SEMA4B: variants seen among roughly 807,000 people sequenced by gnomAD.
SEMA4B encodes the protein semaphorin-4B.
In SEMA4B, 55 loss-of-function variants were observed where a neutral mutation model predicts 88.1. The ratio of observed to expected loss-of-function variants is 0.62; its 90% CI spans 0.50 to 0.78. SEMA4B has a LOEUF of 0.78. Among genes scored for constraint, SEMA4B ranks in the 30% least tolerant of loss-of-function variants. The probability of loss-of-function intolerance (pLI) is 0.00; values close to 1 mark genes in which losing one functional copy is unlikely to be tolerated. For synonymous variants in SEMA4B, 525 were observed against 473.6 expected (o/e 1.11, Z -1.41); for missense variants, 1,062 against 1,111.9 (o/e 0.96, Z 0.64).
intron 7 of SEMA4B, among the ~76,000 whole-genome samples, chr15:90,222,240 AT>A (rs1159789107): frequency 7.1e-6 from 1 of 140,444 alleles, no homozygotes; most frequent in Non-Finnish European, 1.5e-5. Context: ...GCACCCAGCC[AT>A]TTTTTTTCTT....
intron 3 of SEMA4B, 52 bp downstream of exon 3, chr15:90,217,881 G>A (rs1034445283): frequency 4.5e-5 from 68 of 1,495,178 alleles, no homozygotes; most frequent in Middle Eastern, 3.4e-4. Context: ...GGAGGGTGGT[G>A]GACTTCCATC....
chr15:90,189,261 T>G (rs1960276221), intron 1 of SEMA4B, among the ~76,000 whole-genome samples: 1 of 152,160 alleles, frequency 6.6e-6, no homozygotes, highest in Non-Finnish European at 1.5e-5. Flanking sequence ...TTGGCTTATA[T>G]TATCAGAAGA....
At chr15:90,186,264 G>A (rs1960163334) in intron 1 of SEMA4B, among the ~76,000 whole-genome samples, 1 of 151,938 alleles carries the variant, frequency 6.6e-6, no homozygotes, top group Non-Finnish European at 1.5e-5. Flanking sequence ...TGAAGCTCAG[G>A]AAAATCTAGG....
intron 4 of SEMA4B, 58 bp from the exon 5 acceptor site, chr15:90,220,924 C>G: frequency 2.6e-6 from 3 of 1,171,804 alleles, no homozygotes; most frequent in Non-Finnish European, 3.7e-6. Flanking sequence ...TCTTTCTCAC[C>G]AAGCCTGCTC....
chr15:90,204,438 C>G (rs1413021543), intron 1 of SEMA4B, among the ~76,000 whole-genome samples: 1 of 152,152 alleles, frequency 6.6e-6, no homozygotes, highest in Non-Finnish European at 1.5e-5. Flanking sequence ...CAGCACATTC[C>G]TGGGGTGCTT....
intron 11 of SEMA4B, 100 bp from the exon 12 acceptor site, chr15:90,225,561 C>A: frequency 7.2e-7 from 1 of 1,391,438 alleles, no homozygotes; most frequent in South Asian, 1.3e-5. Flanking sequence ...ACGTAACAGG[C>A]CTCTTGGGGG....
At chr15:90,206,228 G>T (rs1212458812) in intron 1 of SEMA4B, among the ~76,000 whole-genome samples, 1 of 152,162 alleles carries the variant, frequency 6.6e-6, no homozygotes, top group Non-Finnish European at 1.5e-5. Context: ...TCAGGCTGGC[G>T]CAGGACTCAG....
At chr15:90,225,589 C>T in intron 11 of SEMA4B, 72 bp from the exon 12 acceptor site, 2 of 1,512,094 alleles carry the variant, frequency 1.3e-6, no homozygotes, top group Non-Finnish European at 1.8e-6. Flanking sequence ...GGGAGGCATA[C>T]AAGCCGGGTG....
chr15:90,225,543 C>A, intron 11 of SEMA4B, 118 bp from the exon 12 acceptor site: 8 of 1,297,122 alleles, frequency 6.2e-6, no homozygotes, highest in African/African-American at 1.5e-5. Context: ...AAAGTGGGGT[C>A]GCCTGTTACG....
intron 1 of SEMA4B, among the ~76,000 whole-genome samples, chr15:90,209,477 G>A (rs148481419): frequency 5.3e-5 from 8 of 152,130 alleles, no homozygotes; most frequent in African/African-American, 1.7e-4. Flanking sequence ...AGGCTGAGGC[G>A]GAAGAATCGC....
In SEMA4B at chr15:90,209,476, C is replaced by T. The variant is rs144695344; in HGVS notation, c.157+7741C>T. On this transcript the variant is annotated intron_variant, in intron 1 of 13. Transcript: ENST00000411539. ...GCTACTCAGGAGGCTGAGGCTGAGG[C>T]GGAAGAATCGCTTGAACCCAAGGTT... Among the ~76,000 whole-genome samples the T allele has an allele frequency of 5.1e-3, 769 of 151,914 alleles. 8 individuals carry two copies. The highest frequency in any genetic ancestry group is 0.016 in the African/African-American group (660 of 41,452).
chr15:90,223,535 C>G lies in SEMA4B; in HGVS notation c.862-24C>G, dbSNP rs1961973357. The G allele has an allele frequency of 3.9e-6, 6 of 1,551,244 alleles. No individual in the cohort carries two copies. In the East Asian group the frequency reaches 1.4e-4, roughly 35 times the overall value. ...TCATGGCTCAGCATGTGCCTAAGCC[C>G]AGCCCATCCGACTCTCCCTCCAGGG... On this transcript the variant is annotated intron_variant, in intron 7 of 13. Coordinates refer to ENST00000411539, the MANE Select transcript of SEMA4B (RefSeq NM_198925.4).
intron 1 of SEMA4B, among the ~76,000 whole-genome samples, chr15:90,203,225 T>C (rs913060357): frequency 1.3e-5 from 2 of 152,062 alleles, no homozygotes; most frequent in Admixed American, 6.6e-5. Context: ...TAGGACAGGG[T>C]TGGGGTGTTA....
intron 1 of SEMA4B, among the ~76,000 whole-genome samples, chr15:90,195,463 T>C (rs973940232): frequency 3.3e-5 from 5 of 152,140 alleles, no homozygotes; most frequent in Non-Finnish European, 7.4e-5. Context: ...TGCCTCTCAC[T>C]AGATTGCCCT....
intron 12 of SEMA4B, chr15:90,227,340 C>T: frequency 1.9e-6 from 1 of 539,014 alleles, no homozygotes; most frequent in Non-Finnish European, 3.3e-6. Context: ...GGCCACCATG[C>T]CTGGCCACTG....
At chr15:90,223,774 G>A in intron 8 of SEMA4B, 34 bp downstream of exon 8, 3 of 1,605,634 alleles carry the variant, frequency 1.9e-6, no homozygotes, top group Non-Finnish European at 2.6e-6. Context: ...AGATGGAAGG[G>A]TGAAGGGTGG....
At chr15:90,219,226 C>T (rs1340560037) in intron 3 of SEMA4B, 2 of 151,700 alleles carry the variant, frequency 1.3e-5, no homozygotes, top group African/African-American at 4.8e-5. Context: ...TGGGGTATGA[C>T]CGACAAGAAG....
rs1330808553 is a variant in SEMA4B, at chr15:90,228,135, G to A, written c.2006G>A (p.Ser669Asn). 1 of 1,611,596 alleles carries A rather than the reference G, an allele frequency of 6.2e-7. No homozygotes were observed. The change falls in exon 14 of 14, where the codon AGC (serine) becomes AAC (asparagine). Residue 669 changes from serine to asparagine, a missense_variant. Transcript: ENST00000411539. ...GAGGGCTTCCAGCAGCTGGTAGCCA[G>A]CTACTGCCCAGAGGTGGTGGAGGAC... is the stretch of plus-strand genomic sequence containing the variant. ...LEEGFQQLVA[S>N]YCPEVVEDGV...
intron 1 of SEMA4B, among the ~76,000 whole-genome samples, chr15:90,216,495 A>G (rs989499349): frequency 1.3e-5 from 2 of 152,170 alleles, no homozygotes; most frequent in Non-Finnish European, 2.9e-5. Flanking sequence ...CAACCCTGCT[A>G]CCATATTATG....
Sources: allele counts gnomAD v4.1 joint callset (sites outside exome capture counted in the v4.1 genomes callset), GRCh38; gene constraint gnomAD v4.1.1; transcripts MANE v1.5; gene names NCBI Gene and HGNC (gene_info 2026-07-23, HGNC 2026-07-21).